The following LAMA1 variants were observed in gnomAD, a reference collection of about 807,000 sequenced individuals.
The protein encoded by LAMA1 is laminin subunit alpha 1.
A neutral mutation model predicts 348.7 loss-of-function variants in LAMA1; 219 were observed. The ratio of observed to expected loss-of-function variants is 0.63; its 90% confidence interval spans 0.56 to 0.70. LAMA1 has a LOEUF of 0.70. Among genes scored for constraint, LAMA1 ranks in the 30% least tolerant of loss-of-function variants. The probability of loss-of-function intolerance (pLI) is 0.00; values close to 1 mark genes in which losing one functional copy is unlikely to be tolerated. For synonymous variants in LAMA1, 1,487 were observed against 1,491.0 expected (o/e 1.00, Z 0.06); for missense variants, 3,744 against 3,888.0 (o/e 0.96, Z 0.99).
At position 6,961,738 on chromosome 18, in the gene LAMA1, G is replaced by A. The variant is rs73390547; in HGVS notation, c.7474C>T (p.Leu2492=). 7,524 of 1,614,094 alleles carry A rather than the reference G, an allele frequency of 4.7e-3. 304 individuals are homozygous for A. The African/African-American group carries it at 0.084, about 18-fold the overall frequency. ...GGCAATTCAATGTAGCCGCCTTTCA[G>A]GAAGCTAACACTCCGGATGGGCTGG... is the stretch of plus-strand genomic sequence containing the variant. ...LLEPIRSVSF[L]KGGYIELPPK... is the part of the protein sequence containing the mutation. Residue 2492 remains leucine (L), a synonymous_variant, in exon 53 of 63, where the codon CTG becomes TTG. Coordinates refer to ENST00000389658, the MANE Select transcript of LAMA1 (RefSeq NM_005559.4).
chr18:7,043,202 A>G, intron 8 of LAMA1, 25 bp downstream of exon 8: 2 of 1,612,454 alleles, frequency 1.2e-6, no homozygotes, highest in South Asian at 1.1e-5. Flanking sequence ...GATGAAGATC[A>G]GCAATGGCAA....
chr18:7,074,461 G>A (rs1022796448), intron 3 of LAMA1, among the ~76,000 whole-genome samples: 4 of 152,218 alleles, frequency 2.6e-5, no homozygotes, highest in Middle Eastern at 6.8e-3. Flanking sequence ...TAGGATTTTG[G>A]ACAATTATAA....
intron 3 of LAMA1, among the ~76,000 whole-genome samples, chr18:7,077,116 T>C (rs972906812): frequency 2.0e-5 from 3 of 152,134 alleles, no homozygotes; most frequent in African/African-American, 7.2e-5. Context: ...TTAAGTGATC[T>C]TATTTTAAAA....
chr18:7,025,974 C>T lies in LAMA1; in HGVS notation c.2402+5G>A, dbSNP rs898673491. 3.7e-6 allele frequency: 6 copies of T among 1,605,672 alleles called. No individual in the cohort carries two copies. The highest frequency in any genetic ancestry group is 5.1e-6 in the Non-Finnish European group (6 of 1,176,286). On this transcript the variant is annotated splice_donor_5th_base_variant and intron_variant, in intron 17 of 62. Transcript: ENST00000389658. The stretch of plus-strand genomic sequence containing the variant: ...CAGGAACCGCTGATGAGGTCCGAGG[C>T]TTACTTGTTGGAGGCTATGGTGAGA...
Position 6,966,289 on chromosome 18 carries a change from T to C in LAMA1, c.6908A>G (p.Asn2303Ser), listed in dbSNP as rs1322700710. Residue 2303 changes from asparagine to serine, a missense_variant, in exon 49 of 63, where the codon AAT (asparagine) becomes AGT (serine). By Grantham distance (46) the Asn-to-Ser change is conservative (BLOSUM62 1). Coordinates refer to ENST00000389658, the MANE Select transcript of LAMA1 (RefSeq NM_005559.4). The part of the protein sequence containing the change: ...KCRGCFGSSQ[N>S]EDPSFHFDGS... ...GTCAAAATGGAAGGAAGGGTCTTCATTCTGGGAGCTGCAAAGCAGAAGAGA... is the reference window on the plus strand; with the variant it reads ...GTCAAAATGGAAGGAAGGGTCTTCACTCTGGGAGCTGCAAAGCAGAAGAGA... 1.2e-6 allele frequency: 2 copies of C among 1,613,454 alleles called. No individual in the cohort carries two copies. The highest frequency in any genetic ancestry group is 3.3e-5 in the Admixed American group (2 of 59,950).
chr18:6,965,486 T>C (rs2057629233), intron 49 of LAMA1, 54 bp from the exon 50 acceptor site: 2 of 1,601,588 alleles, frequency 1.2e-6, no homozygotes, highest in Admixed American at 1.7e-5. Context: ...CAGGTTTCCC[T>C]TTCCCTTCAA....
intron 7 of LAMA1, among the ~76,000 whole-genome samples, chr18:7,044,412 A>C (rs2058033621): frequency 6.6e-6 from 1 of 152,116 alleles, no homozygotes; most frequent in Non-Finnish European, 1.5e-5. Context: ...GCTTATTTAA[A>C]ACTTAAATCC....
intron 18 of LAMA1, 35 bp downstream of exon 18, chr18:7,024,345 T>C (rs1400522909): frequency 3.9e-6 from 6 of 1,535,546 alleles, no homozygotes; most frequent in Non-Finnish European, 5.4e-6. Flanking sequence ...ATATTTAATT[T>C]CGAAAATGTG....
chr18:6,995,340 T>A lies in LAMA1; in HGVS notation c.4896+17A>T. On this transcript the variant is annotated intron_variant, in intron 34 of 62. Coordinates refer to ENST00000389658, the MANE Select transcript of LAMA1 (RefSeq NM_005559.4). ...AGGGACCAGGAGGAAGGTTGGTTGG[T>A]TATGGAAAGAATTTACCTTCTTTTG... 2 of 1,587,520 alleles carry A rather than the reference T, an allele frequency of 1.3e-6. No homozygotes were observed. Among genetic ancestry groups the A allele is most frequent in the Non-Finnish European group, 1.7e-6 (2 of 1,155,818 alleles).
In LAMA1 at chr18:7,007,266, G is replaced by T; in HGVS notation, c.4133C>A (p.Pro1378His). ...TVGFSCQDCA[P>H]GYHRGKLPAG... ...TGGGAGCTTCCCTCTGTGGTACCCA[G>T]GGGCGCAGTCCTGAGGGGGTGCAAA... The change falls in exon 29 of 63, where the codon CCT becomes CAT. Residue 1378 changes from proline (P) to histidine (H), a missense_variant. Transcript: ENST00000389658. The T allele has an allele frequency of 1.2e-6, 2 of 1,613,994 alleles. No homozygotes were observed. Among genetic ancestry groups the T allele is most frequent in the Non-Finnish European group, 1.7e-6 (2 of 1,179,970 alleles).
At position 6,950,911 on chromosome 18, in the gene LAMA1, A is replaced by G. The variant is rs2057543648; in HGVS notation, c.8268T>C (p.Ala2756=). ...FASSGLIYYM[A]HQNQADYAVL... ...CAGCGTAGTCTGCTTGGTTCTGATG[A>G]GCCATGTAGTAAATCAGGCCGCTGG... Residue 2756 remains alanine (A), a synonymous_variant, in exon 58 of 63, where the codon GCT becomes GCC. Transcript: ENST00000389658. The G allele has an allele frequency of 6.2e-7, 1 of 1,614,076 alleles. No individual in the cohort carries two copies. The highest frequency in any genetic ancestry group is 8.5e-7 in the Non-Finnish European group (1 of 1,180,040).
intron 36 of LAMA1, among the ~76,000 whole-genome samples, chr18:6,986,929 T>C (rs2144061563): frequency 6.6e-6 from 1 of 152,302 alleles, no homozygotes; most frequent in South Asian, 2.1e-4. Context: ...CAGCTAATTT[T>C]TTTTAGTAGA....
intron 13 of LAMA1, 128 bp from the exon 14 acceptor site, chr18:7,034,818 A>G: frequency 1.3e-6 from 1 of 771,284 alleles, no homozygotes; most frequent in Non-Finnish European, 2.2e-6. Flanking sequence ...CAAACGTGTA[A>G]TGGTGTGTAC....
intron 3 of LAMA1, among the ~76,000 whole-genome samples, chr18:7,063,178 A>C (rs1160174066): frequency 6.6e-6 from 1 of 152,146 alleles, no homozygotes; most frequent in Non-Finnish European, 1.5e-5. Context: ...AGAGATGAGA[A>C]AGTATTGTTT....
intron 10 of LAMA1, among the ~76,000 whole-genome samples, chr18:7,039,172 C>T (rs115014317): frequency 0.012 from 1,757 of 152,232 alleles, 31 homozygotes; most frequent in African/African-American, 0.04. Context: ...TCTTAGAACT[C>T]GGTCATTCCA....
chr18:7,047,604 A>G (rs1275597120), intron 5 of LAMA1, among the ~76,000 whole-genome samples: 2 of 152,200 alleles, frequency 1.3e-5, no homozygotes, highest in East Asian at 1.9e-4. Context: ...TCTAAAATTC[A>G]TAAGGAAATA....
rs1435059689 is a variant in LAMA1 at position 6,947,843 on chromosome 18, T to C, written c.8711-547A>G. On this transcript the variant is annotated intron_variant, in intron 60 of 62. Transcript: ENST00000389658. Reference sequence around the variant, plus strand: ...TGACAACAGCAGGCAGTTGTTACCATGCCCAGGGCTGAAGGGAAAAGGGGA... The same window carrying C: ...TGACAACAGCAGGCAGTTGTTACCACGCCCAGGGCTGAAGGGAAAAGGGGA... 5.9e-5 allele frequency among the ~76,000 whole-genome samples: 9 copies of C among 152,216 alleles called. No homozygotes were observed. In the East Asian group the frequency reaches 1.7e-3, roughly 30 times the overall value.
At chr18:7,006,095 T>G (rs2057830553) in intron 29 of LAMA1, among the ~76,000 whole-genome samples, 1 of 152,194 alleles carries the variant, frequency 6.6e-6, no homozygotes, top group African/African-American at 2.4e-5. Flanking sequence ...AATCAATGTT[T>G]CCACCTGAGT....
intron 1 of LAMA1, among the ~76,000 whole-genome samples, chr18:7,103,675 C>T (rs2058300408): frequency 6.6e-6 from 1 of 151,538 alleles, no homozygotes; most frequent in East Asian, 2.0e-4. Context: ...AAAAACTAGC[C>T]AGGCATGGTG....
Sources: allele counts gnomAD v4.1 joint callset (sites outside exome capture counted in the v4.1 genomes callset), GRCh38; gene constraint gnomAD v4.1.1; transcripts MANE v1.5; gene names NCBI Gene and HGNC (gene_info 2026-07-23, HGNC 2026-07-21).